The following ZNF469 variants were observed in gnomAD, a reference collection of about 807,000 sequenced individuals.
ZNF469 encodes the protein zinc finger protein 469.
In ZNF469, 1 loss-of-function variant was observed where a neutral mutation model predicts 1.0. That is an observed-to-expected ratio of 1.00 (90% confidence interval 0.35 to 4.73). ZNF469 has a LOEUF of 4.73. Ranked by LOEUF, ZNF469 falls within the 30% of genes most tolerant of loss-of-function variation. The probability of loss-of-function intolerance (pLI) is 0.16; values close to 1 mark genes in which losing one functional copy is unlikely to be tolerated. For synonymous variants in ZNF469, 2,703 were observed against 2,363.4 expected, an observed-to-expected ratio of 1.14 and a Z score of -4.17; for missense variants, 6,100 against 5,356.3, an observed-to-expected ratio of 1.14 and a Z score of -4.33.
chr16:88,429,516 C>T lies in ZNF469; in HGVS notation c.2046C>T (p.Phe682=), dbSNP rs1329458708. The T allele has an allele frequency of 1.0e-5, 16 of 1,548,102 alleles. No individual in the cohort carries two copies. Among genetic ancestry groups the T allele is most frequent in the Non-Finnish European group, 1.3e-5 (15 of 1,145,902 alleles). The change falls in exon 3 of 3, where the codon TTC becomes TTT. Residue 682 remains phenylalanine (F), a synonymous_variant. Coordinates refer to ENST00000565624, the MANE Select transcript of ZNF469 (RefSeq NM_001367624.2). ...ATGGGCTGGGAGCCGAGGGTGCCTT[C>T]CAGTGCCTGGAGGAGACCCCATTCC... The part of the protein sequence containing the change: ...PADGLGAEGA[F]QCLEETPFPH...
chr16:88,249,171 T>G, the ZNF469 span, among the ~76,000 whole-genome samples: 1 of 151,476 alleles, frequency 6.6e-6, no homozygotes, highest in Admixed American at 6.6e-5. Flanking sequence ...GTAGCTCCAC[T>G]CCTTTTATGG....
chr16:88,175,206 C>G, the ZNF469 span, among the ~76,000 whole-genome samples: 1 of 152,166 alleles, frequency 6.6e-6, no homozygotes, highest in South Asian at 2.1e-4. Context: ...ACAGCAGCAC[C>G]TAGAATAGAT....
the ZNF469 span, among the ~76,000 whole-genome samples, chr16:88,207,777 T>C: frequency 6.9e-6 from 1 of 145,048 alleles, no homozygotes; most frequent in Non-Finnish European, 1.5e-5. Context: ...CTCTCCTATC[T>C]GAAATCTCCC....
At chr16:88,400,978 G>C (rs750004947) in intron 1 of ZNF469, among the ~76,000 whole-genome samples, 1 of 152,062 alleles carries the variant, frequency 6.6e-6, no homozygotes, top group African/African-American at 2.4e-5. Flanking sequence ...ACCGGAGGGG[G>C]ATGGAAGGGC....
the ZNF469 span, among the ~76,000 whole-genome samples, chr16:88,323,745 C>T: frequency 6.6e-6 from 1 of 152,148 alleles, no homozygotes; most frequent in Non-Finnish European, 1.5e-5. Flanking sequence ...CCGGTAATGG[C>T]CGTGGTCCCA....
At chr16:88,361,604 T>C in the ZNF469 span, among the ~76,000 whole-genome samples, 1 of 151,812 alleles carries the variant, frequency 6.6e-6, no homozygotes, top group Admixed American at 6.5e-5. Context: ...TGGATACAAG[T>C]GCTTTGTCAG....
At chr16:88,332,998 C>A in the ZNF469 span, among the ~76,000 whole-genome samples, 1 of 152,184 alleles carries the variant, frequency 6.6e-6, no homozygotes, top group East Asian at 1.9e-4. Context: ...CTCTGTGGCA[C>A]CCAGAGGTGC....
the ZNF469 span, among the ~76,000 whole-genome samples, chr16:88,129,965 T>C: frequency 6.6e-6 from 1 of 152,234 alleles, no homozygotes; most frequent in Non-Finnish European, 1.5e-5. Flanking sequence ...GTTACCAGTT[T>C]CAGACTCAGC....
chr16:88,343,777 C>T, the ZNF469 span, among the ~76,000 whole-genome samples: 1 of 152,104 alleles, frequency 6.6e-6, no homozygotes, highest in Non-Finnish European at 1.5e-5. Flanking sequence ...AGGGCAGAGC[C>T]CTCTAATCAC....
chr16:88,270,712 T>C, the ZNF469 span, among the ~76,000 whole-genome samples: 13 of 152,366 alleles, frequency 8.5e-5, no homozygotes, highest in South Asian at 2.1e-3. Flanking sequence ...CCTCTTGTTT[T>C]TCTCTTGGCT....
At chr16:88,108,299 A>G in the ZNF469 span, among the ~76,000 whole-genome samples, 1 of 151,808 alleles carries the variant, frequency 6.6e-6, no homozygotes, top group South Asian at 2.1e-4. Context: ...CCTTCCAGTG[A>G]GCCCTGCACC....
At chr16:88,210,405 A>G in the ZNF469 span, among the ~76,000 whole-genome samples, 3 of 152,098 alleles carry the variant, frequency 2.0e-5, no homozygotes, top group African/African-American at 7.2e-5. Context: ...ATATCGTCAA[A>G]TGCATCCATC....
At chr16:88,137,703 T>C in the ZNF469 span, among the ~76,000 whole-genome samples, 2 of 152,242 alleles carry the variant, frequency 1.3e-5, no homozygotes, top group Non-Finnish European at 2.9e-5. Flanking sequence ...TGAGCCATGG[T>C]AACTCATTGC....
chr16:88,244,915 C>G, the ZNF469 span, among the ~76,000 whole-genome samples: 1 of 151,612 alleles, frequency 6.6e-6, no homozygotes, highest in Non-Finnish European at 1.5e-5. Context: ...AAGAAGAGAC[C>G]CTCTGAAGTA....
intron 1 of ZNF469, among the ~76,000 whole-genome samples, chr16:88,419,991 G>C (rs1015149147): frequency 1.3e-5 from 2 of 152,238 alleles, no homozygotes; most frequent in Admixed American, 6.5e-5. Context: ...GCTGCAGGTG[G>C]GGGCCAGATC....
chr16:88,247,059 T>G, the ZNF469 span, among the ~76,000 whole-genome samples: 97 of 23,292 alleles, frequency 4.2e-3, no homozygotes, highest in African/African-American at 0.049. Context: ...GAGTGAGTGA[T>G]TGAGTGAGTG....
At chr16:88,380,319 TCACACATGCACTCACACATGCGCTCA>T (rs2092517877), upstream of ZNF469, among the ~76,000 whole-genome samples, 1 of 67,338 alleles carries the variant, frequency 1.5e-5, no homozygotes, top group Non-Finnish European at 2.6e-5. Context: ...AGACATGCAC[TCACACATGCACTCACACATGCGCTCA>T]CACACATGCG....
chr16:88,427,100 C>T (rs78614191), intron 2 of ZNF469, among the ~76,000 whole-genome samples: 4,840 of 152,220 alleles, frequency 0.032, 112 homozygotes, highest in East Asian at 0.075. Context: ...TGCGCTCCAC[C>T]GCCCCTCTTC....
chr16:88,336,495 G>A, the ZNF469 span, among the ~76,000 whole-genome samples: 2 of 128,236 alleles, frequency 1.6e-5, no homozygotes, highest in South Asian at 5.1e-4. Context: ...TCCTTCACAT[G>A]AGACACATGC....
Sources: allele counts gnomAD v4.1 joint callset (sites outside exome capture counted in the v4.1 genomes callset), GRCh38; gene constraint gnomAD v4.1.1; transcripts MANE v1.5; gene names NCBI Gene and HGNC (gene_info 2026-07-23, HGNC 2026-07-21).